TRMT11: variants seen among roughly 807,000 people sequenced by gnomAD.
TRMT11 encodes tRNA methyltransferase 11.
Under a neutral mutation model 62.8 loss-of-function variants are expected in TRMT11, and 53 were observed. The ratio of observed to expected loss-of-function variants is 0.84; its 90% CI spans 0.68 to 1.06. The LOEUF (loss-of-function observed/expected upper bound fraction) is 1.06. TRMT11 is among the 50% of genes least tolerant of loss of function. The pLI, the probability that TRMT11 is intolerant of heterozygous loss-of-function variation, is 0.00. For synonymous variants in TRMT11, 188 were observed against 190.3 expected (o/e 0.99, Z 0.10); for missense variants, 556 against 553.4 (o/e 1.00, Z -0.05).
intron 21 of TRMT11, among the ~76,000 whole-genome samples, chr6:126,133,914 A>T (rs1777819363): frequency 1.3e-5 from 2 of 151,898 alleles, no homozygotes; most frequent in South Asian, 2.1e-4. Context: ...AATTACTACA[A>T]CATTTTCCAT....
intron 6 of TRMT11, among the ~76,000 whole-genome samples, chr6:125,999,181 C>A (rs1217549673): frequency 6.6e-6 from 1 of 151,936 alleles, no homozygotes; most frequent in Non-Finnish European, 1.5e-5. Context: ...TGTAGGAGAA[C>A]AAAGAAATGG....
At chr6:126,172,275 A>G (rs1778338248), upstream of TRMT11, among the ~76,000 whole-genome samples, 2 of 152,128 alleles carry the variant, frequency 1.3e-5, no homozygotes, top group South Asian at 4.1e-4. Context: ...GAGGTGTCAC[A>G]TCGACAAAGG....
At chr6:126,055,495 C>T (rs1429237328) in intron 17 of TRMT11, among the ~76,000 whole-genome samples, 3 of 152,304 alleles carry the variant, frequency 2.0e-5, no homozygotes, top group Middle Eastern at 6.8e-3. Flanking sequence ...TGGTTAAACT[C>T]ATTTTTGTTA....
At chr6:126,052,527 CAAA>C (rs575807595) in intron 16 of TRMT11, among the ~76,000 whole-genome samples, 1 of 150,474 alleles carries the variant, frequency 6.6e-6, no homozygotes, top group Admixed American at 6.6e-5. Flanking sequence ...AATGCTTGGC[CAAA>C]AAAAAATCCC....
chr6:126,211,503 A>G, the TRMT11 span, among the ~76,000 whole-genome samples: 5 of 152,130 alleles, frequency 3.3e-5, no homozygotes, highest in Non-Finnish European at 7.4e-5. Context: ...TAAACTCTGC[A>G]TCTACTGTGC....
chr6:126,058,687 TAAG>T lies in TRMT11; in HGVS notation c.*1437+5503_*1437+5505del, dbSNP rs1226777471. On this transcript the variant is annotated intron_variant and NMD_transcript_variant, in intron 17 of 22. Transcript: ENST00000648977. ...ATAAATAGACCGCTAGCCAGACTAA[TAAG>T]AAGAAAAGAGAGAAGAATCAAATAG... Among the ~76,000 whole-genome samples, 13 of 152,136 alleles carry T rather than the reference TAAG, an allele frequency of 8.5e-5. 1 individual carries two copies. The South Asian group carries it at 2.3e-3, about 27-fold the overall frequency.
intron 17 of TRMT11, among the ~76,000 whole-genome samples, chr6:126,093,604 TATATATATATATATATATA>T (rs1562321333): frequency 1.1e-5 from 1 of 87,380 alleles, no homozygotes; most frequent in African/African-American, 7.0e-5. Flanking sequence ...TATATATATA[TATATATATATATATATATA>T]TATATATATT....
At chr6:126,137,025 A>G (rs539121074) in intron 21 of TRMT11, among the ~76,000 whole-genome samples, 2 of 151,966 alleles carry the variant, frequency 1.3e-5, no homozygotes, top group East Asian at 3.9e-4. Context: ...AAAATCTGAA[A>G]CTATAAAACT....
chr6:126,005,742 T>C (rs1793250483), intron 7 of TRMT11, among the ~76,000 whole-genome samples: 1 of 152,010 alleles, frequency 6.6e-6, no homozygotes, highest in Non-Finnish European at 1.5e-5. Flanking sequence ...AATATAAAAT[T>C]ATAAATGTCA....
chr6:126,170,710 G>A (rs944188052), intron 21 of TRMT11, among the ~76,000 whole-genome samples: 1 of 152,108 alleles, frequency 6.6e-6, no homozygotes, highest in African/African-American at 2.4e-5. Flanking sequence ...GCTGATCTGT[G>A]CCCTCATGGA....
At chr6:126,057,645 G>A (rs2128121025) in intron 17 of TRMT11, among the ~76,000 whole-genome samples, 1 of 152,284 alleles carries the variant, frequency 6.6e-6, no homozygotes, top group Admixed American at 6.5e-5. Flanking sequence ...AATATGTTTG[G>A]CAACCATTAA....
chr6:126,012,355 T>C (rs1794343859), intron 9 of TRMT11, among the ~76,000 whole-genome samples: 1 of 152,126 alleles, frequency 6.6e-6, no homozygotes, highest in Non-Finnish European at 1.5e-5. Flanking sequence ...ATAAAGATAG[T>C]CTCTTAGCAA....
chr6:126,056,650 G>T (rs1776383013), intron 17 of TRMT11, among the ~76,000 whole-genome samples: 1 of 152,118 alleles, frequency 6.6e-6, no homozygotes, highest in South Asian at 2.1e-4. Flanking sequence ...CGTGAAAGTT[G>T]GGAGAAAATA....
chr6:126,025,539 A>G (rs2128008050), intron 12 of TRMT11, among the ~76,000 whole-genome samples: 1 of 152,342 alleles, frequency 6.6e-6, no homozygotes, highest in African/African-American at 2.4e-5. Flanking sequence ...GTTTACTGTA[A>G]CCAAAAATAC....
chr6:126,020,126 T>C (rs1795607035), intron 11 of TRMT11, among the ~76,000 whole-genome samples: 1 of 152,160 alleles, frequency 6.6e-6, no homozygotes, highest in Non-Finnish European at 1.5e-5. Context: ...GTGAAAACAG[T>C]GTTGATGCAT....
chr6:126,145,748 T>C (rs1583888350), intron 21 of TRMT11, among the ~76,000 whole-genome samples: 2 of 152,344 alleles, frequency 1.3e-5, no homozygotes, highest in South Asian at 2.1e-4. Context: ...TTCCATTTTA[T>C]GTTTTGTATA....
At chr6:126,046,595 A>T (rs144587244) in intron 16 of TRMT11, among the ~76,000 whole-genome samples, 246 of 152,266 alleles carry the variant, frequency 1.6e-3, no homozygotes, top group African/African-American at 5.7e-3. Context: ...ACCCATCTGA[A>T]TATGCTGGGG....
the TRMT11 span, among the ~76,000 whole-genome samples, chr6:126,241,221 G>A: frequency 6.6e-6 from 1 of 152,108 alleles, no homozygotes; most frequent in Admixed American, 6.5e-5. Flanking sequence ...CTGTCTGACA[G>A]TCCCCAGTGA....
At chr6:126,136,138 G>A (rs144512414) in intron 21 of TRMT11, among the ~76,000 whole-genome samples, 79 of 151,702 alleles carry the variant, frequency 5.2e-4, no homozygotes, top group African/African-American at 1.7e-3. Flanking sequence ...CCTAGCCAAA[G>A]CAATTAGGCA....
Sources: allele counts gnomAD v4.1 joint callset (sites outside exome capture counted in the v4.1 genomes callset), GRCh38; gene constraint gnomAD v4.1.1; transcripts MANE v1.5; gene names NCBI Gene and HGNC (gene_info 2026-07-23, HGNC 2026-07-21).